Variants in STT3B observed in about 807,000 individuals in gnomAD.
The protein encoded by STT3B is STT3 oligosaccharyltransferase complex catalytic subunit B, also known as dolichyl-diphosphooligosaccharide--protein glycosyltransferase subunit STT3B.
STT3B carries 29 observed loss-of-function variants against 96.8 expected under a neutral mutation model. That is an observed-to-expected ratio of 0.30 (90% CI 0.22 to 0.41). STT3B has a LOEUF of 0.41. Among genes scored for constraint, STT3B ranks in the 10% least tolerant of loss-of-function variants. The pLI is 1.00. For synonymous variants in STT3B, 367 were observed against 360.0 expected, an observed-to-expected ratio of 1.02 and a Z score of -0.22; for missense variants, 640 against 1,022.3, an observed-to-expected ratio of 0.63 and a Z score of 5.10.
intron 1 of STT3B, among the ~76,000 whole-genome samples, chr3:31,543,884 G>A (rs528138867): frequency 6.6e-6 from 1 of 152,194 alleles, no homozygotes; most frequent in South Asian, 2.1e-4. Context: ...ACTAGTTAGG[G>A]AACATTGAAT....
At chr3:31,563,170 A>G (rs944941181) in intron 1 of STT3B, among the ~76,000 whole-genome samples, 1 of 152,082 alleles carries the variant, frequency 6.6e-6, no homozygotes, top group African/African-American at 2.4e-5. Context: ...CTCTCAGGTG[A>G]TCTTTTTTAC....
At chr3:31,613,110 T>C (rs930002765) in intron 5 of STT3B, among the ~76,000 whole-genome samples, 1 of 152,094 alleles carries the variant, frequency 6.6e-6, no homozygotes, top group African/African-American at 2.4e-5. Flanking sequence ...TTTGGGGTAA[T>C]GAAAATTCTT....
intron 3 of STT3B, among the ~76,000 whole-genome samples, chr3:31,594,109 T>A (rs1000466301): frequency 1.5e-4 from 23 of 152,340 alleles, no homozygotes; most frequent in African/African-American, 4.8e-4. Flanking sequence ...TGAGCATGAC[T>A]TATTGTCTGG....
chr3:31,600,712 T>C (rs1698909459), intron 5 of STT3B, among the ~76,000 whole-genome samples: 1 of 152,074 alleles, frequency 6.6e-6, no homozygotes, highest in Admixed American at 6.6e-5. Context: ...CACTTTTTCC[T>C]CCTCTTAATT....
intron 1 of STT3B, among the ~76,000 whole-genome samples, chr3:31,561,204 G>GT (rs1396779929): frequency 2.7e-5 from 4 of 149,204 alleles, no homozygotes; most frequent in Admixed American, 2.0e-4. Flanking sequence ...ATCCTACTGA[G>GT]TTTTTTTAGA....
chr3:31,547,502 C>T lies in STT3B; in HGVS notation c.314+14190C>T, dbSNP rs576266773. Among the ~76,000 whole-genome samples, 10 of 152,108 alleles carry T rather than the reference C, an allele frequency of 6.6e-5. No homozygotes were observed. In the South Asian group the frequency reaches 1.7e-3, roughly 25 times the overall value. ...TCTACTAAAAATACAAAAAATCAGC[C>T]GGGCATGGTGGTGCATGCCTGTAAT... is the stretch of plus-strand genomic sequence containing the variant. On this transcript the variant is annotated intron_variant, in intron 1 of 15. Coordinates refer to ENST00000295770, the MANE Select transcript of STT3B (RefSeq NM_178862.3).
intron 1 of STT3B, among the ~76,000 whole-genome samples, chr3:31,565,964 A>AT (rs1258055402): frequency 1.4e-4 from 21 of 152,202 alleles, no homozygotes; most frequent in Non-Finnish European, 1.9e-4. Context: ...TAGATATTTT[A>AT]AACATATATA....
chr3:31,583,499 AT>A (rs1414121309), intron 3 of STT3B, among the ~76,000 whole-genome samples: 1 of 151,936 alleles, frequency 6.6e-6, no homozygotes, highest in Non-Finnish European at 1.5e-5. Flanking sequence ...TTTGTTTTGA[AT>A]TTTATAGAGT....
intron 5 of STT3B, 145 bp from the exon 6 acceptor site, chr3:31,614,960 A>G: frequency 4.0e-6 from 2 of 498,630 alleles, no homozygotes; most frequent in Non-Finnish European, 3.5e-6. Flanking sequence ...TGGTTAACAA[A>G]TGGACATCTA....
chr3:31,627,406 G>A (rs1225161939), intron 13 of STT3B, among the ~76,000 whole-genome samples: 1 of 152,166 alleles, frequency 6.6e-6, no homozygotes, highest in Admixed American at 6.5e-5. Flanking sequence ...TGGAAAAATT[G>A]TCTTCCACGA....
intron 1 of STT3B, among the ~76,000 whole-genome samples, chr3:31,555,601 T>C (rs1412184501): frequency 6.6e-6 from 1 of 152,132 alleles, no homozygotes; most frequent in African/African-American, 2.4e-5. Flanking sequence ...TACTTAAATA[T>C]TTGTGTGTTT....
intron 5 of STT3B, among the ~76,000 whole-genome samples, chr3:31,610,034 T>G (rs1169435392): frequency 1.3e-5 from 2 of 152,206 alleles, no homozygotes; most frequent in Non-Finnish European, 2.9e-5. Flanking sequence ...AGAAATGATT[T>G]TTATCATTAT....
intron 1 of STT3B, among the ~76,000 whole-genome samples, chr3:31,545,015 A>G (rs761721709): frequency 1.3e-5 from 2 of 152,130 alleles, no homozygotes; most frequent in African/African-American, 4.8e-5. Flanking sequence ...TTTAATTGCA[A>G]TCCCAAGATG....
chr3:31,546,574 A>C (rs1455612837), intron 1 of STT3B, among the ~76,000 whole-genome samples: 1 of 152,216 alleles, frequency 6.6e-6, no homozygotes, highest in African/African-American at 2.4e-5. Context: ...ACACAGACCT[A>C]GCTCAATGTT....
chr3:31,602,151 C>T (rs1575435564), intron 5 of STT3B, among the ~76,000 whole-genome samples: 2 of 151,968 alleles, frequency 1.3e-5, no homozygotes, highest in Admixed American at 6.6e-5. Flanking sequence ...AATGAATGGC[C>T]CATGATGCTA....
intron 1 of STT3B, among the ~76,000 whole-genome samples, chr3:31,572,374 C>T (rs1263076340): frequency 1.3e-5 from 2 of 151,340 alleles, no homozygotes; most frequent in Admixed American, 6.6e-5. Context: ...GTCTTTGACA[C>T]TTATCTCTAT....
At chr3:31,596,092 G>C (rs1698786520) in intron 3 of STT3B, among the ~76,000 whole-genome samples, 1 of 152,136 alleles carries the variant, frequency 6.6e-6, no homozygotes, top group Non-Finnish European at 1.5e-5. Flanking sequence ...CTGTGTATTA[G>C]TAAATACTGA....
chr3:31,619,898 TA>T, intron 9 of STT3B, 68 bp downstream of exon 9: 1 of 1,539,458 alleles, frequency 6.5e-7, no homozygotes, highest in Non-Finnish European at 8.7e-7. Context: ...TTATTTACTT[TA>T]AATTTTTGTT....
intron 3 of STT3B, among the ~76,000 whole-genome samples, chr3:31,587,327 G>A (rs978604331): frequency 5.3e-5 from 8 of 151,902 alleles, no homozygotes; most frequent in South Asian, 2.1e-4. Flanking sequence ...CTTAGCAACC[G>A]GTATTGCTTT....
Sources: gnomAD v4.1 joint callset for allele counts (sites outside exome capture counted in the v4.1 genomes callset) on GRCh38, gnomAD v4.1.1 for gene constraint, MANE v1.5 for transcripts, NCBI Gene and HGNC (gene_info 2026-07-23, HGNC 2026-07-21) for gene names.